MAPK10: variants seen among roughly 807,000 people sequenced by gnomAD.
MAPK10 encodes JNK3 alpha protein kinase.
MAPK10 carries 25 observed loss-of-function variants against 59.3 expected under a neutral mutation model. The ratio of observed to expected loss-of-function variants is 0.42; its 90% CI spans 0.31 to 0.59. The LOEUF (loss-of-function observed/expected upper bound fraction) is 0.59, where lower values mean the gene tolerates loss of function less well. Ranked by LOEUF, MAPK10 falls within the 20% of genes least tolerant of loss-of-function variation. The pLI, the probability that MAPK10 is intolerant of heterozygous loss-of-function variation, is 0.15. For missense variants in MAPK10, 351 were observed against 568.9 expected, an observed-to-expected ratio of 0.62 and a Z score of 3.90; for synonymous variants, 190 against 200.5, an observed-to-expected ratio of 0.95 and a Z score of 0.44.
intron 2 of MAPK10, among the ~76,000 whole-genome samples, chr4:86,279,886 A>G (rs890426375): frequency 6.6e-6 from 1 of 152,204 alleles, no homozygotes; most frequent in African/African-American, 2.4e-5. Flanking sequence ...CTGGATCTCC[A>G]GTGCTCCTGC....
At chr4:86,046,420 A>G (rs2042514686) in intron 11 of MAPK10, among the ~76,000 whole-genome samples, 1 of 151,800 alleles carries the variant, frequency 6.6e-6, no homozygotes, top group African/African-American at 2.4e-5. Context: ...CTGCCCATTC[A>G]GTATGATATT....
At chr4:86,486,098 C>A (rs940139928) in intron 1 of MAPK10, among the ~76,000 whole-genome samples, 1 of 152,158 alleles carries the variant, frequency 6.6e-6, no homozygotes, top group Non-Finnish European at 1.5e-5. Context: ...ACTGAATAGA[C>A]ACAGTCACAA....
At chr4:86,383,157 T>G (rs1262305185) in intron 1 of MAPK10, among the ~76,000 whole-genome samples, 1 of 152,208 alleles carries the variant, frequency 6.6e-6, no homozygotes, top group African/African-American at 2.4e-5. Flanking sequence ...TCCCATGAAG[T>G]CTTGTTCTTT....
chr4:86,218,234 C>A (rs1313992429), intron 2 of MAPK10, among the ~76,000 whole-genome samples: 1 of 152,064 alleles, frequency 6.6e-6, no homozygotes, highest in Non-Finnish European at 1.5e-5. Flanking sequence ...GACGGAGTCT[C>A]ACGCTGTCAC....
intron 1 of MAPK10, among the ~76,000 whole-genome samples, chr4:86,573,807 G>T (rs911428265): frequency 2.6e-5 from 4 of 152,002 alleles, no homozygotes; most frequent in Admixed American, 2.6e-4. Context: ...CATTTTCTTA[G>T]ATTTATCCCT....
chr4:86,529,059 T>C (rs1041633454), intron 1 of MAPK10, among the ~76,000 whole-genome samples: 1 of 152,102 alleles, frequency 6.6e-6, no homozygotes, highest in Non-Finnish European at 1.5e-5. Context: ...TCCTTTGGGA[T>C]TGGGAAAGGG....
At chr4:86,139,720 A>G (rs2063168046) in intron 4 of MAPK10, among the ~76,000 whole-genome samples, 1 of 152,162 alleles carries the variant, frequency 6.6e-6, no homozygotes, top group South Asian at 2.1e-4. Context: ...GCACAGCAAA[A>G]GAAACTACCA....
At chr4:86,069,615 G>A (rs2047401459) in intron 9 of MAPK10, among the ~76,000 whole-genome samples, 1 of 152,032 alleles carries the variant, frequency 6.6e-6, no homozygotes, top group Non-Finnish European at 1.5e-5. Context: ...ATACATTAGT[G>A]TAGTTAAATA....
intron 1 of MAPK10, among the ~76,000 whole-genome samples, chr4:86,417,137 T>C (rs1225012277): frequency 5.9e-5 from 9 of 152,360 alleles, no homozygotes; most frequent in Admixed American, 5.2e-4. Flanking sequence ...TTCAATTTTC[T>C]TTCTCTTTTA....
At chr4:86,333,104 C>T (rs1321776528) in intron 2 of MAPK10, among the ~76,000 whole-genome samples, 2 of 152,130 alleles carry the variant, frequency 1.3e-5, no homozygotes, top group Admixed American at 6.6e-5. Flanking sequence ...TGCCACTGCA[C>T]CCAGCTGTAG....
chr4:86,523,972 A>C (rs989172197), intron 1 of MAPK10, among the ~76,000 whole-genome samples: 2 of 152,184 alleles, frequency 1.3e-5, no homozygotes, highest in African/African-American at 4.8e-5. Context: ...TGGATCCTAC[A>C]TGAACAGATT....
chr4:86,272,737 C>T (rs1470128999), intron 2 of MAPK10, among the ~76,000 whole-genome samples: 1 of 152,038 alleles, frequency 6.6e-6, no homozygotes, highest in African/African-American at 2.4e-5. Context: ...GGGCAAATCA[C>T]ATGACATTTG....
At chr4:86,160,049 C>A (rs1048178626) in intron 3 of MAPK10, among the ~76,000 whole-genome samples, 1 of 151,970 alleles carries the variant, frequency 6.6e-6, no homozygotes, top group Admixed American at 6.6e-5. Context: ...TTAAGCATAG[C>A]AAAATTCTTC....
chr4:86,550,294 C>G (rs764731438), intron 1 of MAPK10, among the ~76,000 whole-genome samples: 12 of 144,032 alleles, frequency 8.3e-5, no homozygotes, highest in Non-Finnish European at 1.5e-4. Flanking sequence ...ATCCACAGGG[C>G]TAATTTGGCA....
At chr4:86,429,597 G>T (rs1262715534) in intron 1 of MAPK10, 2 of 152,054 alleles carry the variant, frequency 1.3e-5, no homozygotes, top group Admixed American at 6.6e-5. Flanking sequence ...GAGGCCAGGA[G>T]TTCAAAACCA....
chr4:86,422,501 G>T (rs1352803632), intron 1 of MAPK10, among the ~76,000 whole-genome samples: 1 of 152,160 alleles, frequency 6.6e-6, no homozygotes, highest in Non-Finnish European at 1.5e-5. Flanking sequence ...AAGAAGAAAT[G>T]ACAACATACT....
At chr4:86,168,843 C>T (rs2072949185) in intron 3 of MAPK10, among the ~76,000 whole-genome samples, 1 of 152,146 alleles carries the variant, frequency 6.6e-6, no homozygotes, top group African/African-American at 2.4e-5. Flanking sequence ...CCTCACACGG[C>T]CGGGTACTCC....
At position 86,014,862 on chromosome 4, in the gene MAPK10, G is replaced by A. The variant is rs1433872671; in HGVS notation, c.*2366C>T. ...TTGCGGCTGATGAAATTCCCCTTGA[G>A]ACTCTCTTTAAAGCAGCTTCCTGCT... On this transcript the variant is annotated 3_prime_UTR_variant, in exon 14 of 14. Transcript: ENST00000641462. The A allele has an allele frequency of 2.0e-5, 3 of 152,044 alleles. No homozygotes were observed. Among genetic ancestry groups the A allele is most frequent in the Non-Finnish European group, 2.9e-5 (2 of 68,042 alleles). 9.4% of individuals were successfully genotyped at this position (152,044 alleles called of 1,614,324 possible). A position where few individuals can be genotyped will look rare whatever the true frequency, so the allele number is the denominator to read the frequency against.
intron 1 of MAPK10, among the ~76,000 whole-genome samples, chr4:86,459,559 A>G (rs1443411325): frequency 6.6e-6 from 1 of 152,242 alleles, no homozygotes; most frequent in Middle Eastern, 3.2e-3. Context: ...ATATAGATAG[A>G]TAGATGATGG....
Sources: allele counts gnomAD v4.1 joint callset (sites outside exome capture counted in the v4.1 genomes callset), GRCh38; gene constraint gnomAD v4.1.1; transcripts MANE v1.5; gene names NCBI Gene and HGNC (gene_info 2026-07-23, HGNC 2026-07-21).